Variants in NRXN1 observed in about 807,000 individuals in gnomAD.
The protein encoded by NRXN1 is neurexin-1.
Under a neutral mutation model 150.9 loss-of-function variants are expected in NRXN1, and 39 were observed. The observed-to-expected ratio is 0.26, with a 90% CI of 0.20 to 0.34. The LOEUF is 0.34. NRXN1 is among the 10% of genes least tolerant of loss of function. The probability of loss-of-function intolerance (pLI) is 1.00; values close to 1 mark genes in which losing one functional copy is unlikely to be tolerated. For synonymous variants in NRXN1, 924 were observed against 757.0 expected, an observed-to-expected ratio of 1.22 and a Z score of -3.62; for missense variants, 1,815 against 1,949.9, an observed-to-expected ratio of 0.93 and a Z score of 1.30.
intron 18 of NRXN1, among the ~76,000 whole-genome samples, chr2:50,168,976 G>A (rs1450050676): frequency 1.3e-5 from 2 of 152,170 alleles, no homozygotes; most frequent in Non-Finnish European, 2.9e-5. Flanking sequence ...TTGTTTGCCA[G>A]AAACATCTTC....
chr2:50,761,427 G>T (rs1046381885), intron 5 of NRXN1, among the ~76,000 whole-genome samples: 1 of 151,818 alleles, frequency 6.6e-6, no homozygotes, highest in South Asian at 2.1e-4. Context: ...CAGTTCCCCT[G>T]CACACACTCT....
At chr2:49,942,006 T>C (rs1389091288) in intron 22 of NRXN1, among the ~76,000 whole-genome samples, 2 of 152,200 alleles carry the variant, frequency 1.3e-5, no homozygotes, top group African/African-American at 4.8e-5. Context: ...GTTGTTGTTG[T>C]TGCTAACTAA....
At chr2:50,160,751 A>G (rs1326981521) in intron 18 of NRXN1, among the ~76,000 whole-genome samples, 2 of 152,116 alleles carry the variant, frequency 1.3e-5, no homozygotes, top group Admixed American at 1.3e-4. Context: ...CAGGTTTGTA[A>G]TCTTTTCGGT....
intron 8 of NRXN1, among the ~76,000 whole-genome samples, chr2:50,607,516 T>C (rs1171592878): frequency 6.6e-6 from 1 of 152,204 alleles, no homozygotes; most frequent in African/African-American, 2.4e-5. Flanking sequence ...TAAGCCATTA[T>C]ATTACAAAGT....
At chr2:50,125,870 T>C (rs1704514087) in intron 18 of NRXN1, among the ~76,000 whole-genome samples, 3 of 152,156 alleles carry the variant, frequency 2.0e-5, no homozygotes, top group Non-Finnish European at 2.9e-5. Flanking sequence ...GAGTTGAAAC[T>C]ATTCATCATT....
rs1673684024 is a variant in NRXN1, at chr2:49,950,256, A to T, written c.4129-6465T>A. Among the ~76,000 whole-genome samples, 3 of 151,956 alleles carry T rather than the reference A, an allele frequency of 2.0e-5. No homozygotes were observed. The South Asian group carries it at 6.2e-4, about 31-fold the overall frequency. On this transcript the variant is annotated intron_variant, in intron 21 of 22. Transcript: ENST00000401669. ...TTTCAGTTAATGAACAATCCTATTA[A>T]GGTGCAAGAGGAATTTAGAGGCTGT...
intron 18 of NRXN1, among the ~76,000 whole-genome samples, chr2:50,175,529 A>T (rs1211707899): frequency 2.6e-5 from 4 of 152,070 alleles, no homozygotes; most frequent in African/African-American, 4.8e-5. Flanking sequence ...TTCAAGCATT[A>T]AGACTTACTA....
At chr2:50,708,721 T>C (rs1450416750) in intron 5 of NRXN1, among the ~76,000 whole-genome samples, 1 of 152,060 alleles carries the variant, frequency 6.6e-6, no homozygotes, top group Non-Finnish European at 1.5e-5. Context: ...AGGTGTAAAG[T>C]ATCGGTGGGA....
At chr2:50,959,455 C>A (rs577535157) in intron 2 of NRXN1, among the ~76,000 whole-genome samples, 4 of 152,062 alleles carry the variant, frequency 2.6e-5, no homozygotes, top group Admixed American at 2.6e-4. Context: ...ATACATATTA[C>A]AATATTAGGA....
chr2:50,785,403 C>T lies in NRXN1; in HGVS notation c.832+136466G>A, dbSNP rs374003865. ...AGCTGGGACTACAGGCACCTGCCACCACGCCTGGGTAATTTTTTGTATTTT... is the reference window on the plus strand; with the variant it reads ...AGCTGGGACTACAGGCACCTGCCACTACGCCTGGGTAATTTTTTGTATTTT... On this transcript the variant is annotated intron_variant, in intron 5 of 22. Coordinates refer to ENST00000401669, the MANE Select transcript of NRXN1 (RefSeq NM_001330078.2). Among the ~76,000 whole-genome samples, 10 of 152,054 alleles carry T rather than the reference C, an allele frequency of 6.6e-5. No individual in the cohort carries two copies. The South Asian group carries it at 2.1e-3, about 32-fold the overall frequency.
chr2:50,523,196 T>G (rs7595089), intron 12 of NRXN1, among the ~76,000 whole-genome samples: 2,482 of 152,262 alleles, frequency 0.016, 68 homozygotes, highest in African/African-American at 0.056. Flanking sequence ...TTTCATTCCC[T>G]TCACATATAC....
chr2:49,951,298 C>T (rs1673916115), intron 21 of NRXN1, among the ~76,000 whole-genome samples: 1 of 151,802 alleles, frequency 6.6e-6, no homozygotes, highest in Non-Finnish European at 1.5e-5. Context: ...AATAAGGAAC[C>T]TGCTGTCAGG....
chr2:50,645,549 A>G (rs1684700085), intron 5 of NRXN1, among the ~76,000 whole-genome samples: 2 of 152,082 alleles, frequency 1.3e-5, no homozygotes, highest in Admixed American at 1.3e-4. Context: ...TTGTTATGGT[A>G]GTCGTCATGG....
intron 17 of NRXN1, among the ~76,000 whole-genome samples, chr2:50,385,032 C>T (rs2081234271): frequency 6.6e-6 from 1 of 152,196 alleles, no homozygotes; most frequent in Non-Finnish European, 1.5e-5. Context: ...GATCAGTCTC[C>T]TCACCATTTT....
intron 18 of NRXN1, among the ~76,000 whole-genome samples, chr2:50,214,630 A>G (rs2063265963): frequency 6.6e-6 from 1 of 151,816 alleles, no homozygotes; most frequent in Non-Finnish European, 1.5e-5. Context: ...GCTACTTTCA[A>G]CTCTTAAATA....
Position 50,253,777 on chromosome 2 carries a change from G to A in NRXN1, c.3365-16807C>T, listed in dbSNP as rs982169534. On this transcript the variant is annotated intron_variant, in intron 17 of 22. Transcript: ENST00000401669. ...GGGATAAAGCCGACTTGATCCTGGT[G>A]GATAAGCTTTTTGATGTGCTGCTGC... 4.3e-4 allele frequency among the ~76,000 whole-genome samples: 66 copies of A among 152,154 alleles called. 1 individual carries two copies. Among genetic ancestry groups the A allele is most frequent in the African/African-American group, 1.5e-3 (64 of 41,528 alleles).
chr2:49,941,602 C>G (rs1306407582), intron 22 of NRXN1, among the ~76,000 whole-genome samples: 2 of 152,058 alleles, frequency 1.3e-5, no homozygotes, highest in Admixed American at 1.3e-4. Context: ...GATTCTGCAA[C>G]AAGAGTATGA....
At chr2:50,540,753 C>T (rs1573466262) in intron 9 of NRXN1, among the ~76,000 whole-genome samples, 1 of 152,202 alleles carries the variant, frequency 6.6e-6, no homozygotes, top group East Asian at 1.9e-4. Flanking sequence ...ACCTCTGCCA[C>T]CTGCTTTAAG....
chr2:50,706,084 T>C (rs770662540), intron 5 of NRXN1, among the ~76,000 whole-genome samples: 17 of 152,312 alleles, frequency 1.1e-4, no homozygotes, highest in Non-Finnish European at 2.2e-4. Context: ...AACTTCATTC[T>C]GGTGTCTACT....
Sources: gnomAD v4.1 joint callset for allele counts (sites outside exome capture counted in the v4.1 genomes callset) on GRCh38, gnomAD v4.1.1 for gene constraint, MANE v1.5 for transcripts, NCBI Gene and HGNC (gene_info 2026-07-23, HGNC 2026-07-21) for gene names.